Variants in DDR2 observed in about 807,000 individuals in gnomAD.
The protein encoded by DDR2 is discoidin domain receptor tyrosine kinase 2.
In DDR2, 27 loss-of-function variants were observed where a neutral mutation model predicts 94.9. The ratio of observed to expected loss-of-function variants is 0.28; its 90% confidence interval spans 0.21 to 0.39. The LOEUF (loss-of-function observed/expected upper bound fraction) is 0.39, where lower values mean the gene tolerates loss of function less well. Ranked by LOEUF, DDR2 falls within the 10% of genes least tolerant of loss-of-function variation. DDR2 has a pLI of 1.00. For synonymous variants in DDR2, 382 were observed against 377.2 expected (o/e 1.01, Z -0.15); for missense variants, 783 against 1,076.0 (o/e 0.73, Z 3.81).
intron 1 of DDR2, among the ~76,000 whole-genome samples, chr1:162,654,284 A>C (rs907788341): frequency 6.6e-6 from 1 of 151,922 alleles, no homozygotes; most frequent in Non-Finnish European, 1.5e-5. Context: ...GGTCTCTACA[A>C]AAAATACAAA....
At chr1:162,777,606 T>C (rs1207065364) in intron 16 of DDR2, 1 of 152,230 alleles carries the variant, frequency 6.6e-6, no homozygotes, top group Non-Finnish European at 1.5e-5. Context: ...CAAAACAATA[T>C]ATTAGACTGA....
At chr1:162,651,067 C>T (rs1657663925) in intron 1 of DDR2, among the ~76,000 whole-genome samples, 1 of 152,154 alleles carries the variant, frequency 6.6e-6, no homozygotes, top group African/African-American at 2.4e-5. Flanking sequence ...ATTTATTTCC[C>T]TTTCCTGATG....
chr1:162,749,340 C>T (rs1219898731), intron 3 of DDR2, among the ~76,000 whole-genome samples: 1 of 152,190 alleles, frequency 6.6e-6, no homozygotes, highest in Non-Finnish European at 1.5e-5. Context: ...ACTGATCCCA[C>T]AGAATTACAA....
At chr1:162,642,451 T>G (rs1235034701) in intron 1 of DDR2, among the ~76,000 whole-genome samples, 55 of 98,316 alleles carry the variant, frequency 5.6e-4, no homozygotes, top group African/African-American at 1.6e-3. Context: ...TTTCTGTGTT[T>G]TTTTTTTTTT....
At chr1:162,750,665 C>G (rs1447807851) in intron 3 of DDR2, among the ~76,000 whole-genome samples, 2 of 152,010 alleles carry the variant, frequency 1.3e-5, no homozygotes, top group Non-Finnish European at 2.9e-5. Flanking sequence ...CATATGGAAC[C>G]AAAAAAGAGC....
At chr1:162,679,010 A>C (rs968345388) in intron 2 of DDR2, among the ~76,000 whole-genome samples, 4 of 152,028 alleles carry the variant, frequency 2.6e-5, no homozygotes, top group Admixed American at 1.3e-4. Flanking sequence ...CTACAGTACT[A>C]AGGCATGTTC....
chr1:162,773,058 G>A (rs530317340), intron 13 of DDR2, among the ~76,000 whole-genome samples: 69 of 152,268 alleles, frequency 4.5e-4, no homozygotes, highest in African/African-American at 1.7e-3. Flanking sequence ...TAATAGACAG[G>A]AGTTTCTTAT....
chr1:162,670,172 A>G (rs986035857), intron 2 of DDR2, among the ~76,000 whole-genome samples: 1 of 152,186 alleles, frequency 6.6e-6, no homozygotes, highest in Non-Finnish European at 1.5e-5. Context: ...GTGCAGTGGC[A>G]CGATCTCAGC....
intron 2 of DDR2, among the ~76,000 whole-genome samples, chr1:162,706,160 C>T (rs989838333): frequency 3.9e-5 from 6 of 152,154 alleles, no homozygotes; most frequent in Non-Finnish European, 8.8e-5. Flanking sequence ...GACATCTTTT[C>T]AACTCCTGGC....
chr1:162,766,685 C>T (rs1301100996), intron 10 of DDR2, among the ~76,000 whole-genome samples: 1 of 152,086 alleles, frequency 6.6e-6, no homozygotes, highest in Non-Finnish European at 1.5e-5. Context: ...CTGTCTGACA[C>T]ATGGAGAGGG....
At position 162,772,056 on chromosome 1, in the gene DDR2, A is replaced by G. The variant is rs1298719448; in HGVS notation, c.1537A>G (p.Ser513Gly). Residue 513 changes from serine (S) to glycine (G), a missense_variant, in exon 13 of 18, where the codon AGT becomes GGT. Ser to Gly is a moderately conservative substitution (Grantham distance 56). This residue lies in a region of DDR2 where 264 missense variants were observed against 428.2 expected (regional missense o/e 0.62). Transcript: ENST00000367921. ...CGGTGTTGTGAAGCCAGTCCAGCCC[A>G]GTGGCCCTGAGGGGGTGCCCCACTA... ...CSGVVKPVQP[S>G]GPEGVPHYAE... 1 of 1,612,620 alleles carries G rather than the reference A, an allele frequency of 6.2e-7. No homozygotes were observed. The highest frequency in any genetic ancestry group is 8.5e-7 in the Non-Finnish European group (1 of 1,179,500).
At position 162,770,397 on chromosome 1, in the gene DDR2, T is replaced by G; in HGVS notation, c.1389T>G (p.Ser463Arg). 6.2e-7 allele frequency: 1 copy of G among 1,614,152 alleles called. No homozygotes were observed. Among genetic ancestry groups the G allele is most frequent in the South Asian group, 1.1e-5 (1 of 91,074 alleles). ...MFNNNRSSSP[S>R]EQGSNSTYDR... ...ACAATAACCGCTCCTCATCACCTAG[T>G]GAACAAGGGTCCAACTCGACTTACG... The change falls in exon 12 of 18, where the codon AGT becomes AGG. Residue 463 changes from serine (S) to arginine (R), a missense_variant. Physicochemically the swap from Ser to Arg is moderately radical, Grantham distance 110. Transcript: ENST00000367921.
At chr1:162,732,437 G>A (rs1662099815) in intron 3 of DDR2, among the ~76,000 whole-genome samples, 1 of 152,220 alleles carries the variant, frequency 6.6e-6, no homozygotes, top group African/African-American at 2.4e-5. Context: ...GGTTGGAGGA[G>A]GAAGAACCAG....
At chr1:162,684,407 G>A (rs377406393) in intron 2 of DDR2, among the ~76,000 whole-genome samples, 4 of 152,080 alleles carry the variant, frequency 2.6e-5, no homozygotes, top group Non-Finnish European at 4.4e-5. Flanking sequence ...CCCTGACTCC[G>A]CAAACCTGAA....
At position 162,690,161 on chromosome 1, in the gene DDR2, G is replaced by A. The variant is rs1659902696; in HGVS notation, c.-27-28876G>A. 3.9e-5 allele frequency among the ~76,000 whole-genome samples: 6 copies of A among 152,162 alleles called. No individual in the cohort carries two copies. The South Asian group carries it at 1.2e-3, about 32-fold the overall frequency. On this transcript the variant is annotated intron_variant, in intron 2 of 17. Coordinates refer to ENST00000367921, the MANE Select transcript of DDR2 (RefSeq NM_006182.4). ...ACATGTGTTTCCTCACTTTATGCTT[G>A]TAACTGCTTTCTGGAAGCAGGACTG...
At chr1:162,638,781 A>G (rs1353088442) in intron 1 of DDR2, among the ~76,000 whole-genome samples, 2 of 152,210 alleles carry the variant, frequency 1.3e-5, no homozygotes, top group East Asian at 3.8e-4. Context: ...TCACTCAAGA[A>G]TAGCAATCTG....
At chr1:162,723,330 C>T (rs1369245817) in intron 3 of DDR2, among the ~76,000 whole-genome samples, 2 of 152,122 alleles carry the variant, frequency 1.3e-5, no homozygotes, top group Admixed American at 6.5e-5. Context: ...CAAGTTTTCC[C>T]TTATTTCCAG....
chr1:162,646,734 A>G (rs1407493839), intron 1 of DDR2, among the ~76,000 whole-genome samples: 2 of 152,172 alleles, frequency 1.3e-5, no homozygotes, highest in Admixed American at 6.6e-5. Flanking sequence ...TTTAATATGC[A>G]TCAGAATCAC....
rs1339358508 is a variant in DDR2, at chr1:162,656,848, TTATTTTTTTTG to T, written c.-28+1476_-28+1486del. 3.7e-3 allele frequency among the ~76,000 whole-genome samples: 463 copies of T among 123,934 alleles called. 84 individuals carry two copies. Among genetic ancestry groups the T allele is most frequent in the Admixed American group, 0.031 (356 of 11,630 alleles). 81.3% of individuals were successfully genotyped at this position (123,934 alleles called of 152,430 possible). A position where few individuals can be genotyped will look rare whatever the true frequency, so the allele number is the denominator to read the frequency against. ...TGCCACTGGAGTTTTTTTTTTTTTT[TTATTTTTTTTG>T]TTAACAGGGTTTTGCTCTGTCACCC... On this transcript the variant is annotated intron_variant, in intron 2 of 17. Coordinates refer to ENST00000367921, the MANE Select transcript of DDR2 (RefSeq NM_006182.4).
Sources: gnomAD v4.1 joint callset for allele counts (sites outside exome capture counted in the v4.1 genomes callset) on GRCh38, gnomAD v4.1.1 for gene constraint, gnomAD v4.1.1 regional missense constraint, MANE v1.5 for transcripts, NCBI Gene and HGNC (gene_info 2026-07-23, HGNC 2026-07-21) for gene names.